D2HGDH: variants seen among roughly 807,000 people sequenced by gnomAD.
D2HGDH encodes the protein D-2-hydroxyglutarate dehydrogenase, mitochondrial.
A neutral mutation model predicts 46.9 loss-of-function variants in D2HGDH; 31 were observed. The ratio of observed to expected loss-of-function variants is 0.66; its 90% CI spans 0.50 to 0.89. The LOEUF (loss-of-function observed/expected upper bound fraction) is 0.89, where lower values mean the gene tolerates loss of function less well. D2HGDH is among the 40% of genes least tolerant of loss of function. D2HGDH has a pLI of 0.00. For synonymous variants in D2HGDH, 364 were observed against 332.6 expected, an observed-to-expected ratio of 1.09 and a Z score of -1.03; for missense variants, 698 against 720.8, an observed-to-expected ratio of 0.97 and a Z score of 0.36.
chr2:241,758,769 A>ATGTGTGTGTGTG (rs558559121), intron 9 of D2HGDH, among the ~76,000 whole-genome samples: 2,110 of 131,916 alleles, frequency 0.016, 34 homozygotes, highest in Middle Eastern at 0.05. Flanking sequence ...CCCACAATAT[A>ATGTGTGTGTGTG]TGTGTGTGTG....
In D2HGDH at chr2:241,742,448, A is replaced by G. The variant is rs771079906; in HGVS notation, c.364A>G (p.Arg122Gly). Residue 122 changes from arginine to glycine, a missense_variant, in exon 4 of 10, where the codon AGG becomes GGG. Coordinates refer to ENST00000321264, the MANE Select transcript of D2HGDH (RefSeq NM_152783.5). This position sits in a 1 kb window ranked among gnomAD's most constrained non-coding sequence, Gnocchi z 4.8. ...TCCTCATCCCAGGCACTGCCACGAG[A>G]GGAACCTGGCCGTGAACCCACAGGG... ...VSHILRHCHE[R>G]NLAVNPQGGN... 3 of 1,612,522 alleles carry G rather than the reference A, an allele frequency of 1.9e-6. No individual in the cohort carries two copies. Among genetic ancestry groups the G allele is most frequent in the Admixed American group, 1.7e-5 (1 of 59,800 alleles).
At chr2:241,755,506 G>T (rs1264842847) in intron 8 of D2HGDH, 1 of 1,351,978 alleles carries the variant, frequency 7.4e-7, no homozygotes, top group Admixed American at 2.2e-5. Context: ...CGTCATGGCT[G>T]TCCCCCTTCT....
At chr2:241,749,360 C>T (rs1184383506) in intron 6 of D2HGDH, 1 of 1,285,664 alleles carries the variant, frequency 7.8e-7, no homozygotes, top group Admixed American at 2.3e-5. Context: ...TCTCTGATAT[C>T]CACATGCCTT....
chr2:241,749,195 C>A, intron 6 of D2HGDH: 2 of 872,868 alleles, frequency 2.3e-6, no homozygotes, highest in East Asian at 1.6e-4. Flanking sequence ...CCCTCCAACA[C>A]CACCACCACC....
chr2:241,749,390 G>C lies in D2HGDH; in HGVS notation c.854-761G>C, dbSNP rs545981027. 76 of 1,266,918 alleles carry C rather than the reference G, an allele frequency of 6.0e-5. No individual in the cohort carries two copies. The African/African-American group carries it at 1.0e-3, about 17-fold the overall frequency. 78.5% of individuals were successfully genotyped at this position (1,266,918 alleles called of 1,614,324 possible). A position where few individuals can be genotyped will look rare whatever the true frequency, so the allele number is the denominator to read the frequency against. ...TGCCTTTGCATTGCCTCCCTGTCTC[G>C]CCCTGAAAGGTGGGCACGGGCCCCC... On this transcript the variant is annotated intron_variant, in intron 6 of 9. Transcript: ENST00000321264.
In D2HGDH at chr2:241,759,748, C is replaced by CT. The variant is rs1483990292; in HGVS notation, c.1306+3739dup. On this transcript the variant is annotated intron_variant, in intron 9 of 9. Coordinates refer to ENST00000321264, the MANE Select transcript of D2HGDH (RefSeq NM_152783.5). ...CTGGTTTATGTTCTTTGTCATTTAG[C>CT]TTTTTGCCGTTTACTAACTGTTGGT... Among the ~76,000 whole-genome samples, 4 of 152,136 alleles carry CT rather than the reference C, an allele frequency of 2.6e-5. No individual in the cohort carries two copies. The East Asian group carries it at 7.7e-4, about 29-fold the overall frequency.
intron 9 of D2HGDH, among the ~76,000 whole-genome samples, chr2:241,763,125 G>C (rs999634125): frequency 6.6e-6 from 1 of 152,204 alleles, no homozygotes; most frequent in Non-Finnish European, 1.5e-5. Flanking sequence ...CGTGAGTTCC[G>C]GGTGCAGGCC....
At chr2:241,753,643 G>A (rs777224690) in intron 8 of D2HGDH, among the ~76,000 whole-genome samples, 38 of 152,206 alleles carry the variant, frequency 2.5e-4, no homozygotes, top group Non-Finnish European at 4.3e-4. Context: ...CCCAGGCCCC[G>A]CTGTAGCCTC....
rs1692420703 is a variant in D2HGDH at position 241,735,214 on chromosome 2, T to G, written c.-11T>G. On this transcript the variant is annotated 5_prime_UTR_variant, in exon 2 of 10. Transcript: ENST00000321264. ...ACCAAGGAGGAGCCCGAGGTCTCCG[T>G]CCCGGCGGCGATGCTGCCCCGTCGG... 6.6e-7 allele frequency: 1 copy of G among 1,507,500 alleles called. No homozygotes were observed. The highest frequency in any genetic ancestry group is 8.8e-7 in the Non-Finnish European group (1 of 1,136,492). 93.4% of individuals were successfully genotyped at this position (1,507,500 alleles called of 1,614,324 possible).
chr2:241,752,785 G>A (rs541442189), intron 8 of D2HGDH, among the ~76,000 whole-genome samples: 123 of 142,828 alleles, frequency 8.6e-4, no homozygotes, highest in Admixed American at 2.3e-3. Flanking sequence ...CCAGGAGGGC[G>A]ACCCTGGCAC....
At chr2:241,738,105 G>A (rs982519712) in intron 2 of D2HGDH, among the ~76,000 whole-genome samples, 2 of 152,168 alleles carry the variant, frequency 1.3e-5, no homozygotes, top group Non-Finnish European at 2.9e-5. Flanking sequence ...ACTGGAAATC[G>A]CTGGACCAAT....
At chr2:241,754,795 G>T (rs895872905) in intron 8 of D2HGDH, 34 of 276,752 alleles carry the variant, frequency 1.2e-4, no homozygotes, top group South Asian at 1.0e-3. Flanking sequence ...AAGAGACGGG[G>T]TCTCCCTGTG....
intron 7 of D2HGDH, among the ~76,000 whole-genome samples, chr2:241,750,554 G>A (rs910401240): frequency 6.6e-6 from 1 of 152,224 alleles, no homozygotes; most frequent in East Asian, 1.9e-4. Flanking sequence ...CAGGAAGGAC[G>A]GGAAGGAACT....
chr2:241,748,756 C>G (rs1696531199), intron 6 of D2HGDH: 1 of 1,067,826 alleles, frequency 9.4e-7, no homozygotes, highest in Admixed American at 4.5e-5. Context: ...GCTGGGGCAG[C>G]CTTGACTGCT....
intron 9 of D2HGDH, among the ~76,000 whole-genome samples, chr2:241,764,566 C>G (rs999346787): frequency 2.0e-5 from 3 of 152,222 alleles, no homozygotes; most frequent in African/African-American, 7.2e-5. Flanking sequence ...GAAGCTGCCT[C>G]GACCTTTGTC....
chr2:241,755,228 C>A, intron 8 of D2HGDH: 1 of 1,114,534 alleles, frequency 9.0e-7, no homozygotes, highest in Non-Finnish European at 1.2e-6. Context: ...CCACCGTGTC[C>A]TTCCCTCCCC....
At chr2:241,739,273 G>A (rs1008626373) in intron 2 of D2HGDH, among the ~76,000 whole-genome samples, 2 of 152,242 alleles carry the variant, frequency 1.3e-5, no homozygotes, top group African/African-American at 4.8e-5. Flanking sequence ...GGGTACTCAT[G>A]TTTGTGTTGA....
chr2:241,737,878 G>C (rs1266504172), intron 2 of D2HGDH, among the ~76,000 whole-genome samples: 1 of 152,190 alleles, frequency 6.6e-6, no homozygotes, highest in Non-Finnish European at 1.5e-5. Flanking sequence ...GCTGAACATA[G>C]GGTGTGCTGT....
intron 1 of D2HGDH, 68 bp from the exon 2 acceptor site, chr2:241,735,065 G>T (rs1380735518): frequency 7.3e-6 from 6 of 818,190 alleles, no homozygotes; most frequent in Middle Eastern, 3.9e-4. Flanking sequence ...CCCCCTCCCT[G>T]CTTCTGCAAG....
Sources: allele counts gnomAD v4.1 joint callset (sites outside exome capture counted in the v4.1 genomes callset), GRCh38; gene constraint gnomAD v4.1.1; non-coding constraint Gnocchi (gnomAD v3.1); transcripts MANE v1.5; gene names NCBI Gene and HGNC (gene_info 2026-07-23, HGNC 2026-07-21).